DIAPH2: variants seen among roughly 807,000 people sequenced by gnomAD.
DIAPH2 encodes the protein protein diaphanous homolog 2.
DIAPH2 carries 35 observed loss-of-function variants against 92.7 expected under a neutral mutation model. The observed-to-expected ratio is 0.38, with a 90% confidence interval of 0.29 to 0.50. The LOEUF is 0.50. Among genes scored for constraint, DIAPH2 ranks in the 20% least tolerant of loss-of-function variants. The pLI, the probability that DIAPH2 is intolerant of heterozygous loss-of-function variation, is 0.94. For missense variants in DIAPH2, 701 were observed against 819.5 expected, an observed-to-expected ratio of 0.86 and a Z score of 1.77; for synonymous variants, 301 against 280.4, an observed-to-expected ratio of 1.07 and a Z score of -0.73.
rs191730535 is a variant in DIAPH2, at chrX:97,526,927, G to A, written c.3242-72326G>A. On this transcript the variant is annotated intron_variant, in intron 26 of 26. Transcript: ENST00000324765. ...ACTCTGCTGTCCAACATGTCAGTAC[G>A]TACTCAAAAGCACTCCTCATTCATT... Among the ~76,000 whole-genome samples, 398 of 110,750 alleles carry A rather than the reference G, an allele frequency of 3.6e-3. 2 individuals are homozygous for A. The highest frequency in any genetic ancestry group is 0.012 in the African/African-American group (369 of 30,438).
intron 17 of DIAPH2, among the ~76,000 whole-genome samples, chrX:96,987,854 A>G (rs1460452008): frequency 9.0e-6 from 1 of 111,407 alleles, no homozygotes; most frequent in East Asian, 2.8e-4. Flanking sequence ...AATAAGAGAA[A>G]AACCAAGATA....
chrX:96,694,421 A>C (rs1305915225), intron 1 of DIAPH2, among the ~76,000 whole-genome samples: 2 of 108,297 alleles, frequency 1.8e-5, no homozygotes, highest in African/African-American at 3.4e-5. Context: ...GCTTACTGCA[A>C]CCTCCGCCTC....
At chrX:96,741,333 A>G (rs2064118140) in intron 3 of DIAPH2, among the ~76,000 whole-genome samples, 1 of 108,994 alleles carries the variant, frequency 9.2e-6, no homozygotes, top group African/African-American at 3.3e-5. Context: ...CACTGCTTCC[A>G]GTTTTAATCC....
At chrX:97,310,230 T>C (rs2068781759) in intron 23 of DIAPH2, among the ~76,000 whole-genome samples, 1 of 112,351 alleles carries the variant, frequency 8.9e-6, no homozygotes, top group Non-Finnish European at 1.9e-5. Context: ...CATTCATTCA[T>C]TCAGCAAAAA....
intron 24 of DIAPH2, among the ~76,000 whole-genome samples, chrX:97,361,031 G>A (rs2069320042): frequency 9.3e-6 from 1 of 107,513 alleles, no homozygotes; most frequent in African/African-American, 3.4e-5. Flanking sequence ...CACCATGCTC[G>A]GCTAATCTTC....
At chrX:97,577,903 C>T (rs932048055) in intron 26 of DIAPH2, among the ~76,000 whole-genome samples, 1 of 111,120 alleles carries the variant, frequency 9.0e-6, no homozygotes, top group Admixed American at 9.6e-5. Flanking sequence ...TCACTTTTAT[C>T]TTCATATGTC....
At chrX:96,841,409 T>C (rs1326534415) in intron 4 of DIAPH2, among the ~76,000 whole-genome samples, 2 of 111,869 alleles carry the variant, frequency 1.8e-5, no homozygotes, top group Non-Finnish European at 3.8e-5. Flanking sequence ...TAATGAAATA[T>C]CTTCTGAAAT....
chrX:97,306,883 G>C (rs1314599053), intron 23 of DIAPH2, among the ~76,000 whole-genome samples: 3 of 112,144 alleles, frequency 2.7e-5, no homozygotes, highest in Non-Finnish European at 5.6e-5. Flanking sequence ...AAGAAAAAAA[G>C]ACTTTCCACA....
At chrX:97,092,013 G>GT (rs1367599259) in intron 19 of DIAPH2, among the ~76,000 whole-genome samples, 1 of 111,060 alleles carries the variant, frequency 9.0e-6, no homozygotes, top group Non-Finnish European at 1.9e-5. Flanking sequence ...GGCGGGCTTT[G>GT]TTTTTTCTCC....
intron 5 of DIAPH2, chrX:96,884,793 G>A (rs754066368): frequency 4.1e-6 from 5 of 1,208,504 alleles, no homozygotes; most frequent in Admixed American, 2.2e-5. Flanking sequence ...TTCTGGAAAC[G>A]GTCAATGCAC....
At chrX:97,477,422 C>T (rs2070618132) in intron 26 of DIAPH2, among the ~76,000 whole-genome samples, 1 of 111,028 alleles carries the variant, frequency 9.0e-6, no homozygotes, top group Admixed American at 9.6e-5. Flanking sequence ...GTCAGGAGTT[C>T]GAGACCAGCC....
chrX:97,527,995 G>A (rs1319690671), intron 26 of DIAPH2, among the ~76,000 whole-genome samples: 3 of 111,631 alleles, frequency 2.7e-5, no homozygotes, highest in Non-Finnish European at 3.8e-5. Context: ...AAAGGAAGAG[G>A]ATATGGTGCC....
intron 25 of DIAPH2, among the ~76,000 whole-genome samples, chrX:97,404,325 TTA>T (rs2069787760): frequency 1.8e-5 from 2 of 111,947 alleles, no homozygotes; most frequent in African/African-American, 6.5e-5. Flanking sequence ...CTAACCTTAT[TTA>T]TATTCTTGGC....
intron 22 of DIAPH2, among the ~76,000 whole-genome samples, chrX:97,188,416 G>A (rs1013018990): frequency 8.9e-6 from 1 of 111,880 alleles, no homozygotes; most frequent in African/African-American, 3.2e-5. Context: ...AGAAGCAGTA[G>A]TGGAGGAAGC....
chrX:96,767,626 G>A (rs1292026941), intron 4 of DIAPH2, among the ~76,000 whole-genome samples: 1 of 111,476 alleles, frequency 9.0e-6, no homozygotes, highest in Non-Finnish European at 1.9e-5. Flanking sequence ...AGATAAGACT[G>A]AGCTGCCTTT....
chrX:97,218,129 A>C (rs757301651), intron 22 of DIAPH2, among the ~76,000 whole-genome samples: 2 of 106,852 alleles, frequency 1.9e-5, no homozygotes, highest in South Asian at 4.4e-4. Flanking sequence ...TCGCTCTGTC[A>C]CCCAGGCTGG....
At chrX:97,109,713 G>A (rs2066966511) in intron 20 of DIAPH2, among the ~76,000 whole-genome samples, 1 of 111,685 alleles carries the variant, frequency 9.0e-6, no homozygotes, top group South Asian at 3.8e-4. Context: ...TCAGCCTGCT[G>A]TTATACCTCT....
chrX:97,533,654 G>C (rs2071076002), intron 26 of DIAPH2, among the ~76,000 whole-genome samples: 1 of 110,468 alleles, frequency 9.1e-6, no homozygotes, highest in Non-Finnish European at 1.9e-5. Flanking sequence ...TCATTTTATA[G>C]GTATTATTTT....
At chrX:97,578,420 G>A (rs1245106026) in intron 26 of DIAPH2, among the ~76,000 whole-genome samples, 1 of 106,107 alleles carries the variant, frequency 9.4e-6, no homozygotes, top group Non-Finnish European at 1.9e-5. Context: ...AATATGCGGT[G>A]TTTGGTTTTT....
Sources: allele counts gnomAD v4.1 joint callset (sites outside exome capture counted in the v4.1 genomes callset), GRCh38; gene constraint gnomAD v4.1.1; transcripts MANE v1.5; gene names NCBI Gene and HGNC (gene_info 2026-07-23, HGNC 2026-07-21).